Variants in CACNA2D4 observed in about 807,000 individuals in gnomAD.
CACNA2D4 encodes voltage-dependent calcium channel subunit alpha-2/delta-4.
CACNA2D4 carries 157 observed loss-of-function variants against 163.8 expected under a neutral mutation model. The observed-to-expected ratio is 0.96, with a 90% CI of 0.84 to 1.09. CACNA2D4 has a LOEUF of 1.09. CACNA2D4 is among the 50% of genes least tolerant of loss of function. The pLI, the probability that CACNA2D4 is intolerant of heterozygous loss-of-function variation, is 0.00. For missense variants in CACNA2D4, 1,410 were observed against 1,479.9 expected (o/e 0.95, Z 0.78); for synonymous variants, 598 against 586.9 (o/e 1.02, Z -0.27).
In CACNA2D4 at chr12:1,879,009, C is replaced by A; in HGVS notation, c.1591G>T (p.Val531Leu). The A allele has an allele frequency of 6.2e-7, 1 of 1,613,850 alleles. No individual in the cohort carries two copies. The highest frequency in any genetic ancestry group is 8.5e-7 in the Non-Finnish European group (1 of 1,179,814). The change falls in exon 15 of 38, where the codon GTG (valine) becomes TTG (leucine). Residue 531 changes from valine (V) to leucine (L), a missense_variant. By Grantham distance (32) the Val-to-Leu change is conservative. Transcript: ENST00000382722. ...TRSHGILLGV[V>L]GSDVALRELM... Reference sequence around the variant, plus strand: ...TCTCTCAGGGCCACATCTGAGCCCACCACACCCAGGAGAATGCCATGGGAT... The same window carrying A: ...TCTCTCAGGGCCACATCTGAGCCCAACACACCCAGGAGAATGCCATGGGAT...
chr12:1,793,741 C>G lies in CACNA2D4; in HGVS notation c.3328G>C (p.Gly1110Arg). ...FHPEENAQDC[G>R]GASDTSASPP... The stretch of plus-strand genomic sequence containing the variant: ...GAGGCTGAGGTGTCCGAGGCGCCGC[C>G]GCAGTCCTGGGCATTCTCCTGCGAA... The change falls in exon 38 of 38, where the codon GGC becomes CGC. Residue 1110 changes from glycine to arginine, a missense_variant. Physicochemically the swap from Gly to Arg is moderately radical, Grantham distance 125. Transcript: ENST00000382722. 1 of 1,613,192 alleles carries G rather than the reference C, an allele frequency of 6.2e-7. No homozygotes were observed.
Position 1,834,832 on chromosome 12 carries a change from T to C in CACNA2D4, c.2551+5907A>G. On this transcript the variant is annotated intron_variant, in intron 26 of 37. Transcript: ENST00000382722. The surrounding 1 kb of genome is among the most constrained non-coding windows in gnomAD (Gnocchi z 7.6). ...GGCCACTGCCTCCCCGAGTCCACCC[T>C]CCTCCCCGCCCTCCAGCAGACAAGC... The C allele has an allele frequency of 1.4e-6, 2 of 1,433,972 alleles. No individual in the cohort carries two copies. Among genetic ancestry groups the C allele is most frequent in the South Asian group, 1.5e-5 (1 of 67,630 alleles). 88.8% of individuals were successfully genotyped at this position (1,433,972 alleles called of 1,614,324 possible).
Position 1,907,758 on chromosome 12 carries a change from G to A in CACNA2D4, c.649+117C>T. ...TGCCTGGTGGGCGTGTCTGGTGGGT[G>A]TGTCTGGTGGGCCAGCCTGGTGAGT... On this transcript the variant is annotated intron_variant, in intron 5 of 37. Transcript: ENST00000382722. The A allele has an allele frequency of 3.7e-6, 5 of 1,344,408 alleles. 1 individual carries two copies. The South Asian group carries it at 6.5e-5, about 17-fold the overall frequency. The allele number at this position is 1,344,408 out of a possible 1,614,324, so 83.3% of individuals were successfully genotyped here. A position where few individuals can be genotyped will look rare whatever the true frequency, so the allele number is the denominator to read the frequency against.
chr12:1,811,666 C>T lies in CACNA2D4; in HGVS notation c.2609G>A (p.Arg870Gln), dbSNP rs754714905. 2.2e-5 allele frequency: 34 copies of T among 1,559,116 alleles called. No homozygotes were observed. Among genetic ancestry groups the T allele is most frequent in the African/African-American group, 8.2e-5 (6 of 73,218 alleles). The change falls in exon 27 of 38, where the codon CGG becomes CAG. Residue 870 changes from arginine (R) to glutamine (Q), a missense_variant. Arg to Gln is a conservative substitution (Grantham distance 43, BLOSUM62 1). Transcript: ENST00000382722. ...FLQRKFWAAT[R>Q]QCSTVDGPCT... ...CTGGCCCGACATCACACCTACCTGC[C>T]GCGTTGCCGCCCAGAATTTGCGCTG... is the stretch of plus-strand genomic sequence containing the variant.
Position 1,834,119 on chromosome 12 carries a change from C to T in CACNA2D4, c.2551+6620G>A. The T allele has an allele frequency of 1.1e-6, 1 of 913,580 alleles. No homozygotes were observed. The highest frequency in any genetic ancestry group is 1.6e-6 in the Non-Finnish European group (1 of 639,672). The allele number at this position is 913,580 out of a possible 1,614,324, so 56.6% of individuals were successfully genotyped here. A position where few individuals can be genotyped will look rare whatever the true frequency, so the allele number is the denominator to read the frequency against. ...CAATGCTGTTTTCCCTCCTCCGCTT[C>T]CTCTTCTATAGATGGTGATTCCAGG... On this transcript the variant is annotated intron_variant, in intron 26 of 37. Transcript: ENST00000382722. The surrounding 1 kb of genome is among the most constrained non-coding windows in gnomAD (Gnocchi z 7.6).
Position 1,874,106 on chromosome 12 carries a change from G to A in CACNA2D4, c.1878+498C>T, listed in dbSNP as rs577402351. 1.3e-5 allele frequency among the ~76,000 whole-genome samples: 2 copies of A among 152,302 alleles called. No individual in the cohort carries two copies. The highest frequency in any genetic ancestry group is 2.1e-4 in the South Asian group (1 of 4,822). ...GAAGATGAAATGATCTTTTATAAAC[G>A]ATGCACATGGTTGTAAAGATAGTAA... On this transcript the variant is annotated intron_variant, in intron 18 of 37. Transcript: ENST00000382722. This position sits in a 1 kb window ranked among gnomAD's most constrained non-coding sequence, Gnocchi z 4.4.
rs1302627572 is a variant in CACNA2D4 at position 1,912,926 on chromosome 12, G to A, written c.426+97C>T. 1.1e-5 allele frequency: 8 copies of A among 724,558 alleles called. No homozygotes were observed. The East Asian group carries it at 2.1e-4, about 19-fold the overall frequency. 44.9% of individuals were successfully genotyped at this position (724,558 alleles called of 1,614,324 possible). ...TTGTAAGATAGGAGAGGGTCACGAGGGGGGAGGATGCAGGGCCATGACATC... is the reference window on the plus strand; with the variant it reads ...TTGTAAGATAGGAGAGGGTCACGAGAGGGGAGGATGCAGGGCCATGACATC... On this transcript the variant is annotated intron_variant, in intron 3 of 37. Transcript: ENST00000382722.
intron 34 of CACNA2D4, among the ~76,000 whole-genome samples, chr12:1,797,853 C>T (rs1372970280): frequency 6.6e-6 from 1 of 152,162 alleles, no homozygotes; most frequent in Non-Finnish European, 1.5e-5. Flanking sequence ...CCTTCCAGCA[C>T]TCAGATCCCG....
intron 35 of CACNA2D4, 66 bp downstream of exon 35, chr12:1,797,352 G>T: frequency 8.2e-7 from 1 of 1,212,494 alleles, no homozygotes; most frequent in Non-Finnish European, 1.2e-6. Flanking sequence ...GGCCCTGCCC[G>T]CACTTCCGCC....
At chr12:1,805,797 G>A (rs1029964078) in intron 29 of CACNA2D4, among the ~76,000 whole-genome samples, 25 of 152,254 alleles carry the variant, frequency 1.6e-4, no homozygotes, top group Admixed American at 6.5e-4. Context: ...GTGGTGTCCC[G>A]GAAGATGGCC....
At chr12:1,839,539 A>C (rs1864965006) in intron 26 of CACNA2D4, among the ~76,000 whole-genome samples, 1 of 152,188 alleles carries the variant, frequency 6.6e-6, no homozygotes, top group Non-Finnish European at 1.5e-5. Flanking sequence ...TTCAAATCCC[A>C]GCCTCATTCA....
rs1248362974 is a variant in CACNA2D4, at chr12:1,798,557, C to T, written c.2996-1022G>A. Among the ~76,000 whole-genome samples the T allele has an allele frequency of 6.6e-6, 1 of 151,982 alleles. No individual in the cohort carries two copies. Among genetic ancestry groups the T allele is most frequent in the Non-Finnish European group, 1.5e-5 (1 of 67,974 alleles). On this transcript the variant is annotated intron_variant, in intron 34 of 37. Transcript: ENST00000382722. The surrounding 1 kb of genome is among the most constrained non-coding windows in gnomAD (Gnocchi z 4.3). ...CCCCAGGGCTGGGCACAGAAGCCTG[C>T]CTGACAATGGCAGGGTTGAGTGGCG...
rs75180798 is a variant in CACNA2D4, at chr12:1,868,138, C to T, written c.1878+6466G>A. ...TGTATATACCCAAGGGAAAGGACAT[C>T]ACCACCTCATAAAGATACCTGCACT... On this transcript the variant is annotated intron_variant, in intron 18 of 37. Coordinates refer to ENST00000382722, the MANE Select transcript of CACNA2D4 (RefSeq NM_172364.5). Among the ~76,000 whole-genome samples, 64 of 152,328 alleles carry T rather than the reference C, an allele frequency of 4.2e-4. No homozygotes were observed. The East Asian group carries it at 0.012, about 28-fold the overall frequency.
intron 26 of CACNA2D4, among the ~76,000 whole-genome samples, chr12:1,815,365 C>T (rs932569067): frequency 2.0e-5 from 3 of 146,592 alleles, no homozygotes; most frequent in African/African-American, 8.3e-5. Flanking sequence ...TAGAACTTTA[C>T]ATGGCTGGCT....
intron 26 of CACNA2D4, among the ~76,000 whole-genome samples, chr12:1,815,082 G>T (rs900418715): frequency 5.9e-5 from 9 of 152,134 alleles, no homozygotes; most frequent in African/African-American, 1.9e-4. Flanking sequence ...AGTAGAGATG[G>T]GGTTTCGCCA....
At chr12:1,870,906 G>A (rs1592723366) in intron 18 of CACNA2D4, among the ~76,000 whole-genome samples, 1 of 152,154 alleles carries the variant, frequency 6.6e-6, no homozygotes, top group South Asian at 2.1e-4. Context: ...GGGGAAGAGA[G>A]AGAGAGAAAG....
chr12:1,850,681 G>C (rs1053270939), intron 23 of CACNA2D4, among the ~76,000 whole-genome samples: 1 of 152,030 alleles, frequency 6.6e-6, no homozygotes, highest in African/African-American at 2.4e-5. Context: ...GAGGCAGGGG[G>C]ATCATGAGGT....
Position 1,883,549 on chromosome 12 carries a change from G to A in CACNA2D4, c.1352-549C>T, listed in dbSNP as rs972021519. On this transcript the variant is annotated intron_variant, in intron 12 of 37. Coordinates refer to ENST00000382722, the MANE Select transcript of CACNA2D4 (RefSeq NM_172364.5). This position sits in a 1 kb window ranked among gnomAD's most constrained non-coding sequence, Gnocchi z 4.5. The stretch of plus-strand genomic sequence containing the variant: ...AGAAGGCTGTGAATGGCCTCTCCAC[G>A]CCCCCACCTCCCACCGTGTTCATCC... Among the ~76,000 whole-genome samples the A allele has an allele frequency of 5.9e-5, 9 of 151,986 alleles. No individual in the cohort carries two copies. Among genetic ancestry groups the A allele is most frequent in the Non-Finnish European group, 1.0e-4 (7 of 67,976 alleles).
intron 7 of CACNA2D4, 134 bp downstream of exon 7, chr12:1,886,874 CG>C: frequency 1.6e-6 from 1 of 618,584 alleles, no homozygotes; most frequent in Admixed American, 2.6e-5. Flanking sequence ...GCTCTTGTGT[CG>C]GGCTAGGGTT....
Sources: gnomAD v4.1 joint callset for allele counts (sites outside exome capture counted in the v4.1 genomes callset) on GRCh38, gnomAD v4.1.1 for gene constraint, Gnocchi (gnomAD v3.1) non-coding constraint, MANE v1.5 for transcripts, NCBI Gene and HGNC (gene_info 2026-07-23, HGNC 2026-07-21) for gene names.